ANKRD36: variants seen among roughly 807,000 people sequenced by gnomAD.
ANKRD36 encodes ankyrin repeat domain 36.
In ANKRD36, 179 loss-of-function variants were observed where a neutral mutation model predicts 278.1. The ratio of observed to expected loss-of-function variants is 0.64; its 90% CI spans 0.57 to 0.73. The LOEUF (loss-of-function observed/expected upper bound fraction) is 0.73. Among genes scored for constraint, ANKRD36 ranks in the 30% least tolerant of loss-of-function variants. ANKRD36 has a pLI of 0.00. For synonymous variants in ANKRD36, 320 were observed against 641.1 expected, an observed-to-expected ratio of 0.50 and a Z score of 7.57; for missense variants, 1,159 against 1,956.7, an observed-to-expected ratio of 0.59 and a Z score of 7.69.
intron 6 of ANKRD36, among the ~76,000 whole-genome samples, chr2:97,140,718 G>A (rs892456973): frequency 1.3e-5 from 2 of 152,016 alleles, no homozygotes; most frequent in African/African-American, 2.4e-5. Flanking sequence ...ATCTTCACAT[G>A]TGTCAGAATG....
intron 40 of ANKRD36, among the ~76,000 whole-genome samples, 158 bp from the exon 41 acceptor site, chr2:97,196,435 T>G (rs2059787065): frequency 6.6e-6 from 1 of 151,992 alleles, no homozygotes; most frequent in East Asian, 1.9e-4. Context: ...TCTTAGTGTA[T>G]TTCTGTCATG....
At chr2:97,121,167 T>G (rs2036704890) in intron 3 of ANKRD36, among the ~76,000 whole-genome samples, 1 of 152,056 alleles carries the variant, frequency 6.6e-6, no homozygotes, top group South Asian at 2.1e-4. Flanking sequence ...GGTAATCGGG[T>G]TGAACTTTTG....
chr2:97,227,043 T>C (rs1313124918), intron 67 of ANKRD36, among the ~76,000 whole-genome samples: 1 of 152,144 alleles, frequency 6.6e-6, no homozygotes, highest in Non-Finnish European at 1.5e-5. Context: ...GTAGTATAGT[T>C]TGAAGTCAGG....
At chr2:97,130,442 G>A (rs2039824017) in intron 6 of ANKRD36, among the ~76,000 whole-genome samples, 1 of 115,526 alleles carries the variant, frequency 8.7e-6, no homozygotes, top group South Asian at 3.2e-4. Flanking sequence ...ACCGGGGACT[G>A]TTGTGGGGTG....
chr2:97,163,998 A>G (rs2049948339), intron 18 of ANKRD36: 1 of 1,224,058 alleles, frequency 8.2e-7, no homozygotes, highest in African/African-American at 1.5e-5. Flanking sequence ...GCTGATTCAC[A>G]TTGGTAGAAA....
At chr2:97,131,389 G>A (rs976654977) in intron 6 of ANKRD36, among the ~76,000 whole-genome samples, 2 of 151,696 alleles carry the variant, frequency 1.3e-5, no homozygotes, top group African/African-American at 4.8e-5. Context: ...TTAGAGACAA[G>A]GGTCTCTCTC....
intron 1 of ANKRD36, among the ~76,000 whole-genome samples, chr2:97,116,930 C>T (rs1414250032): frequency 2.6e-5 from 4 of 151,954 alleles, no homozygotes; most frequent in African/African-American, 9.7e-5. Context: ...CAGACAGATT[C>T]CACCATCTCT....
chr2:97,207,861 T>A (rs544066667), intron 53 of ANKRD36, 22 bp downstream of exon 53: 2 of 1,545,648 alleles, frequency 1.3e-6, no homozygotes, highest in Non-Finnish European at 1.7e-6. Context: ...GTCATTTATA[T>A]TGTGAACTAG....
At chr2:97,207,286 A>G (rs2063132618) in intron 52 of ANKRD36, among the ~76,000 whole-genome samples, 1 of 151,540 alleles carries the variant, frequency 6.6e-6, no homozygotes, top group African/African-American at 2.4e-5. Flanking sequence ...ATCCAAGGTG[A>G]TGAATTTAGG....
At chr2:97,126,712 A>G (rs935358645) in intron 5 of ANKRD36, among the ~76,000 whole-genome samples, 115 of 152,014 alleles carry the variant, frequency 7.6e-4, no homozygotes, top group Non-Finnish European at 1.1e-3. Flanking sequence ...GTGAAAGAAG[A>G]TAGTAAAATC....
At chr2:97,179,242 A>G (rs1289367121) in intron 22 of ANKRD36, among the ~76,000 whole-genome samples, 2 of 151,526 alleles carry the variant, frequency 1.3e-5, no homozygotes, top group Non-Finnish European at 3.0e-5. Context: ...CACTGAAGAG[A>G]TTTCAACTAA....
chr2:97,176,864 T>C (rs1043986257), intron 22 of ANKRD36, among the ~76,000 whole-genome samples: 1 of 151,726 alleles, frequency 6.6e-6, no homozygotes, highest in Non-Finnish European at 1.5e-5. Flanking sequence ...GTAAAGTATT[T>C]TATTTCTCCT....
At chr2:97,131,244 C>T (rs1284031543) in intron 6 of ANKRD36, among the ~76,000 whole-genome samples, 1 of 151,222 alleles carries the variant, frequency 6.6e-6, no homozygotes, top group Non-Finnish European at 1.5e-5. Context: ...GGCTGGAGTA[C>T]AATAGTGTGA....
intron 75 of ANKRD36, among the ~76,000 whole-genome samples, chr2:97,262,963 AT>A (rs1363326632): frequency 1.4e-5 from 2 of 141,820 alleles, no homozygotes; most frequent in East Asian, 5.5e-4. Context: ...GTCTCAGCTA[AT>A]TTTTTATAGC....
chr2:97,235,219 C>G (rs1306963002), intron 68 of ANKRD36, among the ~76,000 whole-genome samples: 12 of 151,678 alleles, frequency 7.9e-5, no homozygotes. Flanking sequence ...TTCAAGTTCA[C>G]TTTTTGGATA....
intron 67 of ANKRD36, among the ~76,000 whole-genome samples, chr2:97,231,450 A>G (rs1447299574): frequency 6.6e-6 from 1 of 152,280 alleles, no homozygotes; most frequent in Non-Finnish European, 1.5e-5. Context: ...GGTGCAGGAT[A>G]TAATTTCCTG....
chr2:97,114,054 T>A, intron 1 of ANKRD36, 118 bp downstream of exon 1: 2 of 1,392,986 alleles, frequency 1.4e-6, no homozygotes, highest in South Asian at 3.0e-5. Flanking sequence ...GGACGGGGGC[T>A]AGGGGGTGCC....
rs765791726 is a variant in ANKRD36 at position 97,196,682 on chromosome 2, A to T, written c.2581-34A>T. The stretch of plus-strand genomic sequence containing the variant: ...ATGTATGGTCTATGAAACATACTTT[A>T]TTTATTTATTATTTCGTTTCAAATT... On this transcript the variant is annotated intron_variant, in intron 41 of 75. Transcript: ENST00000420699. The T allele has an allele frequency of 1.9e-6, 3 of 1,585,926 alleles. No homozygotes were observed. The African/African-American group carries it at 4.1e-5, about 22-fold the overall frequency.
chr2:97,202,654 G>A (rs1335072099), intron 48 of ANKRD36, among the ~76,000 whole-genome samples: 1 of 151,808 alleles, frequency 6.6e-6, no homozygotes, highest in Non-Finnish European at 1.5e-5. Flanking sequence ...AGGGCTCTGG[G>A]GAACAGCATA....
Sources: gnomAD v4.1 joint callset for allele counts (sites outside exome capture counted in the v4.1 genomes callset) on GRCh38, gnomAD v4.1.1 for gene constraint, MANE v1.5 for transcripts, NCBI Gene and HGNC (gene_info 2026-07-23, HGNC 2026-07-21) for gene names.